TMEM232: variants seen among roughly 807,000 people sequenced by gnomAD.
The protein encoded by TMEM232 is transmembrane protein 232.
In TMEM232, 80 loss-of-function variants were observed where a neutral mutation model predicts 78.8. The ratio of observed to expected loss-of-function variants is 1.01; its 90% CI spans 0.85 to 1.22. The LOEUF (loss-of-function observed/expected upper bound fraction) is 1.22. TMEM232 is among the 50% of genes most tolerant of loss of function. TMEM232 has a pLI of 0.00. For synonymous variants in TMEM232, 297 were observed against 254.3 expected (o/e 1.17, Z -1.60); for missense variants, 881 against 742.2 (o/e 1.19, Z -2.17).
At chr5:110,563,406 T>C (rs1377659877) in intron 11 of TMEM232, among the ~76,000 whole-genome samples, 3 of 151,870 alleles carry the variant, frequency 2.0e-5, no homozygotes, top group Non-Finnish European at 1.5e-5. Context: ...ATTATAGAAA[T>C]GATAAATTTG....
intron 12 of TMEM232, among the ~76,000 whole-genome samples, chr5:110,469,698 C>T (rs1376444886): frequency 6.6e-6 from 1 of 152,158 alleles, no homozygotes; most frequent in Non-Finnish European, 1.5e-5. Flanking sequence ...CTTAGCCACC[C>T]AGAGCTGTCA....
chr5:110,469,854 C>T (rs1762480446), intron 12 of TMEM232, among the ~76,000 whole-genome samples: 1 of 152,172 alleles, frequency 6.6e-6, no homozygotes, highest in Non-Finnish European at 1.5e-5. Flanking sequence ...CTGAGACACC[C>T]TGCCTTACAG....
intron 12 of TMEM232, among the ~76,000 whole-genome samples, chr5:110,496,245 T>C (rs940852473): frequency 6.6e-6 from 1 of 151,988 alleles, no homozygotes; most frequent in African/African-American, 2.4e-5. Flanking sequence ...ATCTAAGCTC[T>C]TTAATAACTT....
At chr5:110,398,100 T>C (rs947125366) in intron 2 of TMEM232, among the ~76,000 whole-genome samples, 1 of 152,116 alleles carries the variant, frequency 6.6e-6, no homozygotes, top group Non-Finnish European at 1.5e-5. Flanking sequence ...TACCAACCTT[T>C]AGTCAATATC....
intron 2 of TMEM232, among the ~76,000 whole-genome samples, chr5:110,405,757 A>G (rs1000906271): frequency 6.6e-6 from 1 of 151,306 alleles, no homozygotes; most frequent in Non-Finnish European, 1.5e-5. Context: ...GAAAAAGTAA[A>G]CAGGCCATCT....
At chr5:110,583,966 C>CAAAAAAAAAAAA (rs60079206) in intron 10 of TMEM232, among the ~76,000 whole-genome samples, 1 of 99,080 alleles carries the variant, frequency 1.0e-5, no homozygotes, top group African/African-American at 3.6e-5. Flanking sequence ...TATCTATTAT[C>CAAAAAAAAAAAA]AAAAAAAAAA....
chr5:110,477,750 A>C (rs1763412019), intron 12 of TMEM232, among the ~76,000 whole-genome samples: 1 of 151,926 alleles, frequency 6.6e-6, no homozygotes, highest in South Asian at 2.1e-4. Flanking sequence ...CTACATCAAC[A>C]TCCATCAAAT....
At chr5:110,414,483 C>T (rs1216472501) in intron 2 of TMEM232, among the ~76,000 whole-genome samples, 1 of 152,080 alleles carries the variant, frequency 6.6e-6, no homozygotes, top group African/African-American at 2.4e-5. Flanking sequence ...ATATATGTTG[C>T]AAAGAGGCAA....
intron 11 of TMEM232, among the ~76,000 whole-genome samples, chr5:110,539,468 C>T (rs1273939288): frequency 6.6e-6 from 1 of 152,172 alleles, no homozygotes; most frequent in African/African-American, 2.4e-5. Context: ...GGCTCAGGTG[C>T]CAAAAGGTTC....
intron 7 of TMEM232, among the ~76,000 whole-genome samples, chr5:110,623,078 G>A (rs750704986): frequency 3.3e-5 from 5 of 151,982 alleles, no homozygotes; most frequent in Admixed American, 2.0e-4. Flanking sequence ...TCAATCCAGC[G>A]TTCTGGCTCT....
At chr5:110,602,248 T>C (rs1439918971) in intron 10 of TMEM232, among the ~76,000 whole-genome samples, 2 of 152,134 alleles carry the variant, frequency 1.3e-5, no homozygotes, top group African/African-American at 2.4e-5. Flanking sequence ...AAAGACTTCA[T>C]GACTAAAACA....
rs536951852 is a variant in TMEM232, at chr5:110,424,807, A to C, written c.1797+16T>G. Reference sequence around the variant, plus strand: ...AACAAAGCTTTTGCTGCTAGTTAAAAAAAAATCAATCTTACGTGATGGTCA... The same window carrying C: ...AACAAAGCTTTTGCTGCTAGTTAAACAAAAATCAATCTTACGTGATGGTCA... On this transcript the variant is annotated intron_variant, in intron 13 of 13. Transcript: ENST00000455884. The C allele has an allele frequency of 6.5e-7, 1 of 1,538,060 alleles. No individual in the cohort carries two copies. The highest frequency in any genetic ancestry group is 1.4e-5 in the African/African-American group (1 of 72,590).
At chr5:110,609,000 G>A (rs978553353) in intron 8 of TMEM232, among the ~76,000 whole-genome samples, 10 of 151,976 alleles carry the variant, frequency 6.6e-5, no homozygotes, top group African/African-American at 2.4e-4. Context: ...TTACTGGCTT[G>A]TCTAAAATAA....
intron 11 of TMEM232, 68 bp downstream of exon 11, chr5:110,568,379 G>T: frequency 7.4e-7 from 1 of 1,356,124 alleles, no homozygotes; most frequent in African/African-American, 1.5e-5. Context: ...CTTTTACCAT[G>T]GAGAGAAATG....
At chr5:110,729,747 T>C (rs1167639114), upstream of TMEM232, among the ~76,000 whole-genome samples, 1 of 152,220 alleles carries the variant, frequency 6.6e-6, no homozygotes, top group Non-Finnish European at 1.5e-5. Context: ...TCCTGCTTCT[T>C]GGTCCTCTAG....
At chr5:110,688,119 G>C (rs376541175) in intron 1 of TMEM232, among the ~76,000 whole-genome samples, 2 of 129,682 alleles carry the variant, frequency 1.5e-5, no homozygotes, top group Non-Finnish European at 3.4e-5. Context: ...GTGTGTGTGT[G>C]TAATTTTTAA....
At chr5:110,401,965 G>A (rs1377321853) in intron 2 of TMEM232, among the ~76,000 whole-genome samples, 2 of 151,984 alleles carry the variant, frequency 1.3e-5, no homozygotes, top group Non-Finnish European at 1.5e-5. Flanking sequence ...GAACAATGGC[G>A]AGTTTCAGTT....
chr5:110,716,483 A>C (rs771552534), intron 1 of TMEM232, among the ~76,000 whole-genome samples: 8 of 152,164 alleles, frequency 5.3e-5, no homozygotes, highest in Admixed American at 2.0e-4. Flanking sequence ...ACAGATCATC[A>C]GTCATTAGAT....
At chr5:110,399,571 T>C (rs1755517370) in intron 2 of TMEM232, among the ~76,000 whole-genome samples, 1 of 152,106 alleles carries the variant, frequency 6.6e-6, no homozygotes, top group Middle Eastern at 3.2e-3. Context: ...CACTCCTTAC[T>C]ACACCTCTGA....
Sources: allele counts gnomAD v4.1 joint callset (sites outside exome capture counted in the v4.1 genomes callset), GRCh38; gene constraint gnomAD v4.1.1; transcripts MANE v1.5; gene names NCBI Gene and HGNC (gene_info 2026-07-23, HGNC 2026-07-21).